Variants in CA3 observed in about 807,000 individuals in gnomAD.
CA3 encodes the protein carbonic anhydrase 3.
Under a neutral mutation model 35.7 loss-of-function variants are expected in CA3, and 30 were observed. The observed-to-expected ratio is 0.84, with a 90% CI of 0.63 to 1.14. The LOEUF is 1.14. CA3 is among the 50% of genes most tolerant of loss of function. The pLI, the probability that CA3 is intolerant of heterozygous loss-of-function variation, is 0.00. For synonymous variants in CA3, 131 were observed against 130.8 expected, an observed-to-expected ratio of 1.00 and a Z score of -0.01; for missense variants, 295 against 328.5, an observed-to-expected ratio of 0.90 and a Z score of 0.79.
chr8:85,446,243 G>A lies in CA3; in HGVS notation c.609G>A (p.Glu203=). 1 of 1,614,198 alleles carries A rather than the reference G, an allele frequency of 6.2e-7. No homozygotes were observed. Among genetic ancestry groups the A allele is most frequent in the Non-Finnish European group, 8.5e-7 (1 of 1,180,012 alleles). Residue 203 remains glutamate, a synonymous_variant, in exon 6 of 7, where the codon GAG becomes GAA. Coordinates refer to ENST00000285381, the MANE Select transcript of CA3 (RefSeq NM_005181.4). ...YQGSFTTPPC[E]ECIVWLLLKE... ...GCTCATTCACCACGCCGCCCTGCGAGGAATGCATTGTGTGGCTGCTGCTGA... is the reference window on the plus strand; with the variant it reads ...GCTCATTCACCACGCCGCCCTGCGAAGAATGCATTGTGTGGCTGCTGCTGA...
At chr8:85,445,055 T>C in intron 4 of CA3, 101 bp from the exon 5 acceptor site, 1 of 679,178 alleles carries the variant, frequency 1.5e-6, no homozygotes, top group Non-Finnish European at 2.6e-6. Context: ...GGCAGATTTA[T>C]AAACACTAGT....
intron 1 of CA3, 75 bp downstream of exon 1, chr8:85,439,018 G>A: frequency 6.9e-7 from 1 of 1,441,672 alleles, no homozygotes; most frequent in Non-Finnish European, 9.5e-7. Context: ...ACAGAAATGG[G>A]CAACTTTAGA....
rs1480608705 is a variant in CA3, at chr8:85,438,922, T to A, written c.13T>A (p.Trp5Arg). ...GAGGAAGGCGACCATGGCCAAGGAG[T>A]GGGGCTACGCCAGTCACAACGGTGA... Reference protein sequence around the residue: MAKEWGYASHNGPDH... With the variant: MAKERGYASHNGPDH... Residue 5 changes from tryptophan to arginine, a missense_variant, in exon 1 of 7, where the codon TGG (tryptophan) becomes AGG (arginine). Physicochemically the swap from Trp to Arg is moderately radical, Grantham distance 101. Transcript: ENST00000285381. The A allele has an allele frequency of 1.3e-6, 2 of 1,550,632 alleles. No homozygotes were observed. The highest frequency in any genetic ancestry group is 1.7e-6 in the Non-Finnish European group (2 of 1,146,872).
At chr8:85,442,367 G>A (rs1282171250) in intron 3 of CA3, 176 bp downstream of exon 3, 1 of 577,496 alleles carries the variant, frequency 1.7e-6, no homozygotes, top group East Asian at 3.0e-5. Flanking sequence ...AGGCTAGACA[G>A]GTAAAAGGGT....
intron 3 of CA3, 122 bp from the exon 4 acceptor site, chr8:85,443,912 C>G: frequency 2.9e-6 from 2 of 693,212 alleles, no homozygotes; most frequent in Admixed American, 2.8e-5. Context: ...CAAATTTTCT[C>G]AGCTTTTATG....
rs1358922875 is a variant in CA3 at position 85,442,435 on chromosome 8, G to A, written c.351+244G>A. The A allele has an allele frequency of 1.9e-5, 8 of 410,986 alleles. No homozygotes were observed. The East Asian group carries it at 2.9e-4, about 15-fold the overall frequency. 25.5% of individuals were successfully genotyped at this position (410,986 alleles called of 1,614,324 possible). A position where few individuals can be genotyped will look rare whatever the true frequency, so the allele number is the denominator to read the frequency against. ...CAAGGTTATGTTAAGAAACTGGGGC[G>A]AGTGCAGTGGCTCACACCTGTAATC... On this transcript the variant is annotated intron_variant, in intron 3 of 6. Coordinates refer to ENST00000285381, the MANE Select transcript of CA3 (RefSeq NM_005181.4).
intron 6 of CA3, among the ~76,000 whole-genome samples, chr8:85,446,723 G>C (rs922139384): frequency 6.6e-6 from 1 of 152,190 alleles, no homozygotes; most frequent in Non-Finnish European, 1.5e-5. Context: ...CAGTTTTACA[G>C]ATACATAATT....
chr8:85,441,451 T>A (rs894538590), intron 2 of CA3, among the ~76,000 whole-genome samples: 1 of 152,204 alleles, frequency 6.6e-6, no homozygotes, highest in Non-Finnish European at 1.5e-5. Context: ...TAGATGAAAG[T>A]TTTTGCTCGT....
intron 4 of CA3, 62 bp downstream of exon 4, chr8:85,444,188 T>G: frequency 1.9e-6 from 2 of 1,029,294 alleles, no homozygotes; most frequent in Admixed American, 4.0e-5. Context: ...ATGGTTAGCA[T>G]AGTTTGAGTT....
intron 1 of CA3, 134 bp downstream of exon 1, chr8:85,439,077 G>A (rs1811170031): frequency 3.4e-6 from 3 of 878,428 alleles, no homozygotes; most frequent in Non-Finnish European, 5.3e-6. Flanking sequence ...CATTTACTGA[G>A]GCTTTTCAAC....
At chr8:85,440,505 T>A (rs1444151141) in intron 2 of CA3, among the ~76,000 whole-genome samples, 1 of 152,192 alleles carries the variant, frequency 6.6e-6, no homozygotes, top group East Asian at 1.9e-4. Flanking sequence ...GAGTAGTAGT[T>A]TGTGTGTGAG....
chr8:85,440,128 A>G (rs772639358), intron 2 of CA3, among the ~76,000 whole-genome samples: 19 of 152,208 alleles, frequency 1.2e-4, no homozygotes, highest in Non-Finnish European at 2.1e-4. Flanking sequence ...AAACGGCCCC[A>G]TGTCCAAGCT....
intron 5 of CA3, 61 bp from the exon 6 acceptor site, chr8:85,446,081 T>C (rs1811284784): frequency 2.8e-6 from 4 of 1,434,852 alleles, no homozygotes; most frequent in Non-Finnish European, 2.8e-6. Flanking sequence ...GGTGAGGGCA[T>C]TGGGGTGGGT....
intron 6 of CA3, 125 bp from the exon 7 acceptor site, chr8:85,447,909 A>T: frequency 1.1e-6 from 1 of 914,216 alleles, no homozygotes; most frequent in Non-Finnish European, 1.6e-6. Flanking sequence ...AAAAACAAAC[A>T]AACAAACAAA....
intron 3 of CA3, 195 bp downstream of exon 3, chr8:85,442,386 G>A (rs1300795769): frequency 3.8e-6 from 2 of 528,998 alleles, no homozygotes; most frequent in Non-Finnish European, 6.8e-6. Flanking sequence ...GTATAGGTGA[G>A]TTGGCATCAA....
chr8:85,442,316 G>C, intron 3 of CA3, 125 bp downstream of exon 3: 1 of 693,508 alleles, frequency 1.4e-6, no homozygotes, highest in Admixed American at 2.0e-5. Context: ...TATGAAAAGA[G>C]CTGTACTAGT....
rs1811185228 is a variant in CA3, at chr8:85,439,866, G to A, written c.189G>A (p.Gly63=). Residue 63 remains glycine, a synonymous_variant, in exon 2 of 7, where the codon GGG becomes GGA. Transcript: ENST00000285381. ...CTGCCAAGACCATCCTGAATAATGG[G>A]AAGACCTGCCGAGTTGTATTTGATG... is the stretch of plus-strand genomic sequence containing the variant. ...GGSAKTILNN[G]KTCRVVFDDT... is the part of the protein sequence containing the mutation. The A allele has an allele frequency of 3.1e-6, 5 of 1,613,814 alleles. No individual in the cohort carries two copies. Among genetic ancestry groups the A allele is most frequent in the Non-Finnish European group, 4.2e-6 (5 of 1,179,998 alleles).
In CA3 at chr8:85,439,741, A is replaced by G; in HGVS notation, c.64A>G (p.Asn22Asp). The change falls in exon 2 of 7, where the codon AAT becomes GAT. Residue 22 changes from asparagine (N) to aspartate (D), a missense_variant. Asn to Asp is a conservative substitution (Grantham distance 23, BLOSUM62 1). Transcript: ENST00000285381. Reference protein sequence around the residue: ...GPDHWHELFPNAKGENQSPVE... With the variant: ...GPDHWHELFPDAKGENQSPVE... Reference sequence around the variant, plus strand: ...TGACCACTGGCATGAACTTTTCCCAAATGCCAAGGGGGAAAACCAGTCGCC... The same window carrying G: ...TGACCACTGGCATGAACTTTTCCCAGATGCCAAGGGGGAAAACCAGTCGCC... The G allele has an allele frequency of 6.2e-7, 1 of 1,613,928 alleles. No individual in the cohort carries two copies.
At chr8:85,439,602 CT>C (rs1489013058) in intron 1 of CA3, 109 bp from the exon 2 acceptor site, 67 of 714,572 alleles carry the variant, frequency 9.4e-5, no homozygotes, top group South Asian at 2.0e-4. Flanking sequence ...AACCTAAGAC[CT>C]TTTTGAAATC....
Sources: gnomAD v4.1 joint callset for allele counts (sites outside exome capture counted in the v4.1 genomes callset) on GRCh38, gnomAD v4.1.1 for gene constraint, MANE v1.5 for transcripts, NCBI Gene and HGNC (gene_info 2026-07-23, HGNC 2026-07-21) for gene names.